ZER1: variants seen among roughly 807,000 people sequenced by gnomAD.
ZER1 encodes protein zer-1 homolog.
Under a neutral mutation model 78.8 loss-of-function variants are expected in ZER1, and 11 were observed. The observed-to-expected ratio is 0.14, with a 90% CI of 0.09 to 0.23. The LOEUF is 0.23. Among genes scored for constraint, ZER1 ranks in the 10% least tolerant of loss-of-function variants. The pLI is 1.00. For synonymous variants in ZER1, 400 were observed against 407.0 expected (o/e 0.98, Z 0.21); for missense variants, 588 against 996.9 (o/e 0.59, Z 5.52).
chr9:128,753,749 G>T lies in ZER1; in HGVS notation c.309+60C>A. On this transcript the variant is annotated intron_variant, in intron 3 of 15. Coordinates refer to ENST00000291900, the MANE Select transcript of ZER1 (RefSeq NM_006336.4). This position sits in a 1 kb window ranked among gnomAD's most constrained non-coding sequence, Gnocchi z 7.5. ...GGCTGGGGATGGCTGGGCTGGAGGC[G>T]AGCAGCCTGGCCCCTGCTTGGTGTG... 1 of 1,573,924 alleles carries T rather than the reference G, an allele frequency of 6.4e-7. No individual in the cohort carries two copies. Among genetic ancestry groups the T allele is most frequent in the South Asian group, 1.2e-5 (1 of 86,136 alleles).
chr9:128,747,759 C>T (rs1380932387), intron 8 of ZER1, among the ~76,000 whole-genome samples: 3 of 152,160 alleles, frequency 2.0e-5, no homozygotes, highest in South Asian at 4.2e-4. Context: ...GCTGGGACTA[C>T]AGGCACCCGC....
chr9:128,733,732 A>C (rs1862921974), intron 14 of ZER1, among the ~76,000 whole-genome samples: 1 of 151,130 alleles, frequency 6.6e-6, no homozygotes, highest in African/African-American at 2.4e-5. Flanking sequence ...GGGAGGCAAG[A>C]GGTGACTCCT....
At position 128,753,917 on chromosome 9, in the gene ZER1, G is replaced by A. The variant is rs75387317; in HGVS notation, c.201C>T (p.His67=). ...LVNAACNFEP[H]ESFFSLFSDP... The stretch of plus-strand genomic sequence containing the variant: ...CCGAAAAGAGGCTGAAGAAGCTCTC[G>A]TGTGGCTCGAAGTTACAGGCAGCGT... Residue 67 remains histidine, a synonymous_variant, in exon 3 of 16, where the codon CAC becomes CAT. Transcript: ENST00000291900. This position sits in a 1 kb window ranked among gnomAD's most constrained non-coding sequence, Gnocchi z 7.5. 2.1e-4 allele frequency: 339 copies of A among 1,594,904 alleles called. 2 individuals carry two copies. In the African/African-American group the frequency reaches 3.6e-3, roughly 17 times the overall value.
At chr9:128,745,207 T>C (rs533698855) in intron 8 of ZER1, among the ~76,000 whole-genome samples, 2 of 150,412 alleles carry the variant, frequency 1.3e-5, no homozygotes, top group East Asian at 1.9e-4. Flanking sequence ...GGGTTTTTTT[T>C]TTTTTTTTTT....
intron 1 of ZER1, among the ~76,000 whole-genome samples, chr9:128,767,718 T>G (rs1864260140): frequency 6.6e-6 from 1 of 152,152 alleles, no homozygotes; most frequent in South Asian, 2.1e-4. Flanking sequence ...ACCTCAGCTT[T>G]CCCTTCTGTT....
rs1863835782 is a variant in ZER1, at chr9:128,755,674, A to G, written c.-94-15T>C. On this transcript the variant is annotated splice_polypyrimidine_tract_variant and intron_variant, in intron 1 of 15. Coordinates refer to ENST00000291900, the MANE Select transcript of ZER1 (RefSeq NM_006336.4). This position sits in a 1 kb window ranked among gnomAD's most constrained non-coding sequence, Gnocchi z 5.6. ...AGAGCCACTGCCTGGGGAGTGGACA[A>G]GATGCCAAGTGAGCCACACACAAGG... 1 of 1,415,008 alleles carries G rather than the reference A, an allele frequency of 7.1e-7. No individual in the cohort carries two copies. 87.7% of individuals were successfully genotyped at this position (1,415,008 alleles called of 1,614,324 possible). A position where few individuals can be genotyped will look rare whatever the true frequency, so the allele number is the denominator to read the frequency against.
chr9:128,772,090 GCCCC>G (rs139171921), upstream of ZER1: 85 of 152,128 alleles, frequency 5.6e-4, no homozygotes, highest in African/African-American at 1.7e-3. Context: ...GCCGCGGGAT[GCCCC>G]CCCCAGGCCA....
rs555812618 is a variant in ZER1, at chr9:128,753,779, C to T, written c.309+30G>A. On this transcript the variant is annotated intron_variant, in intron 3 of 15. Coordinates refer to ENST00000291900, the MANE Select transcript of ZER1 (RefSeq NM_006336.4). The surrounding 1 kb of genome is among the most constrained non-coding windows in gnomAD (Gnocchi z 7.5). ...GCCTGGCCCCTGCTTGGTGTGGGCC[C>T]TCCTGGCGCTGTGGCGGGGCAGGTC... 2 of 1,599,074 alleles carry T rather than the reference C, an allele frequency of 1.3e-6. No homozygotes were observed. Among genetic ancestry groups the T allele is most frequent in the South Asian group, 1.1e-5 (1 of 89,344 alleles).
At chr9:128,750,816 C>G in intron 7 of ZER1, 27 bp from the exon 8 acceptor site, 1 of 1,613,304 alleles carries the variant, frequency 6.2e-7, no homozygotes, top group Non-Finnish European at 8.5e-7. Flanking sequence ...GGGACCTGGG[C>G]TGGCAAGTGC....
intron 1 of ZER1, among the ~76,000 whole-genome samples, chr9:128,766,356 A>C (rs1219765029): frequency 6.6e-6 from 1 of 151,960 alleles, no homozygotes; most frequent in Non-Finnish European, 1.5e-5. Flanking sequence ...TCAAAAAAAA[A>C]AAAAAAAAAA....
At position 128,734,137 on chromosome 9, in the gene ZER1, AAAAAAAAATAT is replaced by A. The variant is rs1362553229; in HGVS notation, c.2141-620_2141-610del. On this transcript the variant is annotated intron_variant, in intron 14 of 15. Transcript: ENST00000291900. ...AGCAAAACTCCGTCTCAAAAAAAAA[AAAAAAAAATAT>A]ATATATATATATATAAAATCTTAAA... 1.9e-4 allele frequency among the ~76,000 whole-genome samples: 9 copies of A among 46,838 alleles called. 1 individual carries two copies. Among genetic ancestry groups the A allele is most frequent in the African/African-American group, 6.5e-4 (9 of 13,810 alleles). 30.7% of individuals were successfully genotyped at this position (46,838 alleles called of 152,430 possible).
chr9:128,742,498 A>C (rs1307427997), intron 9 of ZER1, 32 bp downstream of exon 9: 1 of 1,611,630 alleles, frequency 6.2e-7, no homozygotes, highest in Admixed American at 1.7e-5. Flanking sequence ...AGTGAGGCTC[A>C]GGAGGAAGGG....
chr9:128,733,580 C>G, intron 14 of ZER1, 52 bp from the exon 15 acceptor site: 1 of 1,542,314 alleles, frequency 6.5e-7, no homozygotes, highest in Non-Finnish European at 8.9e-7. Context: ...TCTTATCAGC[C>G]CGAGGCCCAG....
intron 8 of ZER1, among the ~76,000 whole-genome samples, chr9:128,746,310 G>A (rs1863488821): frequency 6.6e-6 from 1 of 152,056 alleles, no homozygotes; most frequent in African/African-American, 2.4e-5. Flanking sequence ...AGGGTGTGAG[G>A]GTGCTCTTCC....
At position 128,753,127 on chromosome 9, in the gene ZER1, A is replaced by G; in HGVS notation, c.746+37T>C. On this transcript the variant is annotated intron_variant, in intron 4 of 15. Coordinates refer to ENST00000291900, the MANE Select transcript of ZER1 (RefSeq NM_006336.4). This position sits in a 1 kb window ranked among gnomAD's most constrained non-coding sequence, Gnocchi z 7.5. ...CTCTACTCCTCCCCACCTGCCCCCCAAACCCCACCCTGGTGAGCTCTGGGC... is the reference window on the plus strand; with the variant it reads ...CTCTACTCCTCCCCACCTGCCCCCCGAACCCCACCCTGGTGAGCTCTGGGC... 2.0e-6 allele frequency: 3 copies of G among 1,493,620 alleles called. No homozygotes were observed. The highest frequency in any genetic ancestry group is 2.7e-6 in the Non-Finnish European group (3 of 1,120,064). The allele number at this position is 1,493,620 out of a possible 1,614,324, so 92.5% of individuals were successfully genotyped here. A position where few individuals can be genotyped will look rare whatever the true frequency, so the allele number is the denominator to read the frequency against.
intron 15 of ZER1, 158 bp downstream of exon 15, chr9:128,733,266 GGA>G (rs1254697536): frequency 2.9e-5 from 16 of 561,382 alleles, no homozygotes; most frequent in Non-Finnish European, 3.2e-6. Context: ...GATGACATTT[GGA>G]GAGGCCCCAG....
chr9:128,753,070 C>T lies in ZER1; in HGVS notation c.746+94G>A. On this transcript the variant is annotated intron_variant, in intron 4 of 15. Transcript: ENST00000291900. This position sits in a 1 kb window ranked among gnomAD's most constrained non-coding sequence, Gnocchi z 7.5. ...TCCCCACCCTCTGCCTAGCCAAGCG[C>T]TCCTGAACCCTGAGGGCGTGACAAC... The T allele has an allele frequency of 1.5e-6, 2 of 1,342,258 alleles. No individual in the cohort carries two copies. Among genetic ancestry groups the T allele is most frequent in the Non-Finnish European group, 9.9e-7 (1 of 1,005,776 alleles). The allele number at this position is 1,342,258 out of a possible 1,614,324, so 83.1% of individuals were successfully genotyped here.
At chr9:128,734,802 G>T (rs1361520224) in intron 14 of ZER1, among the ~76,000 whole-genome samples, 2 of 151,110 alleles carry the variant, frequency 1.3e-5, no homozygotes, top group East Asian at 3.9e-4. Context: ...TTTTTACCAG[G>T]TGATTCTGGT....
chr9:128,757,203 T>C, intron 1 of ZER1, among the ~76,000 whole-genome samples: 1 of 152,148 alleles, frequency 6.6e-6, no homozygotes, highest in African/African-American at 2.4e-5. Flanking sequence ...GCCTCAAAAT[T>C]AAAAACTCTG....
Sources: gnomAD v4.1 joint callset for allele counts (sites outside exome capture counted in the v4.1 genomes callset) on GRCh38, gnomAD v4.1.1 for gene constraint, Gnocchi (gnomAD v3.1) non-coding constraint, MANE v1.5 for transcripts, NCBI Gene and HGNC (gene_info 2026-07-23, HGNC 2026-07-21) for gene names.